Variants in ZNF644 observed in about 807,000 individuals in gnomAD.
The protein encoded by ZNF644 is zinc finger protein 644, also known as zinc finger motif enhancer binding protein 2.
ZNF644 carries 20 observed loss-of-function variants against 108.0 expected under a neutral mutation model. That is an observed-to-expected ratio of 0.19 (90% confidence interval 0.13 to 0.27). ZNF644 has a LOEUF of 0.27. ZNF644 is among the 10% of genes least tolerant of loss of function. ZNF644 has a pLI of 1.00. For synonymous variants in ZNF644, 542 were observed against 539.1 expected (o/e 1.01, Z -0.08); for missense variants, 1,338 against 1,548.9 (o/e 0.86, Z 2.29).
chr1:90,950,304 G>GAAAA (rs1553151447), intron 2 of ZNF644, among the ~76,000 whole-genome samples: 6 of 62,314 alleles, frequency 9.6e-5, no homozygotes, highest in Non-Finnish European at 1.4e-4. Flanking sequence ...GGGGAGGGGA[G>GAAAA]GGGACAAAAG....
At chr1:90,924,223 G>A (rs1649774290) in intron 4 of ZNF644, among the ~76,000 whole-genome samples, 1 of 152,100 alleles carries the variant, frequency 6.6e-6, no homozygotes, top group Non-Finnish European at 1.5e-5. Flanking sequence ...GATAGCAAAC[G>A]TATTACTTCT....
At chr1:90,965,337 A>T (rs1441244280) in intron 2 of ZNF644, among the ~76,000 whole-genome samples, 1 of 152,120 alleles carries the variant, frequency 6.6e-6, no homozygotes, top group Non-Finnish European at 1.5e-5. Flanking sequence ...AGGTCTCTTC[A>T]CATCGTCTTC....
intron 1 of ZNF644, among the ~76,000 whole-genome samples, chr1:90,983,513 T>C (rs1455164284): frequency 6.6e-6 from 1 of 150,572 alleles, no homozygotes; most frequent in East Asian, 1.9e-4. Context: ...AAGAAGTCTT[T>C]GTAGATATGA....
intron 2 of ZNF644, among the ~76,000 whole-genome samples, chr1:90,969,417 C>T (rs1482216471): frequency 6.6e-6 from 1 of 152,176 alleles, no homozygotes; most frequent in Non-Finnish European, 1.5e-5. Context: ...AATAGTCACC[C>T]CTCATCTGCA....
At chr1:90,992,819 G>A (rs965785505) in intron 1 of ZNF644, among the ~76,000 whole-genome samples, 7 of 152,144 alleles carry the variant, frequency 4.6e-5, no homozygotes, top group African/African-American at 1.4e-4. Flanking sequence ...GGTCAAGGCA[G>A]GAGGATCACT....
intron 4 of ZNF644, among the ~76,000 whole-genome samples, chr1:90,923,450 C>T (rs982549356): frequency 3.3e-5 from 5 of 152,088 alleles, no homozygotes; most frequent in African/African-American, 1.2e-4. Flanking sequence ...GTTCTTTGCT[C>T]CTAGCTATAC....
intron 2 of ZNF644, among the ~76,000 whole-genome samples, chr1:90,943,282 A>C (rs954718313): frequency 1.3e-5 from 2 of 152,046 alleles, no homozygotes; most frequent in Non-Finnish European, 1.5e-5. Flanking sequence ...TCTACTAAAA[A>C]TAAAAAAAAT....
chr1:90,936,515 A>C (rs561910410), intron 4 of ZNF644, among the ~76,000 whole-genome samples: 1 of 152,156 alleles, frequency 6.6e-6, no homozygotes, highest in African/African-American at 2.4e-5. Context: ...CATTACAACT[A>C]TTCGGGATAT....
At chr1:91,004,633 C>G (rs1197670125) in intron 1 of ZNF644, among the ~76,000 whole-genome samples, 1 of 152,030 alleles carries the variant, frequency 6.6e-6, no homozygotes, top group Non-Finnish European at 1.5e-5. Context: ...CTCTTTGTAA[C>G]TTTTTCTTCT....
Position 90,918,168 on chromosome 1 carries a change from GAGAA to G in ZNF644, c.3689-18_3689-15del. The G allele has an allele frequency of 6.3e-7, 1 of 1,598,900 alleles. No individual in the cohort carries two copies. Among genetic ancestry groups the G allele is most frequent in the Non-Finnish European group, 8.6e-7 (1 of 1,166,298 alleles). On this transcript the variant is annotated splice_polypyrimidine_tract_variant and intron_variant, in intron 4 of 5. Coordinates refer to ENST00000337393, the MANE Select transcript of ZNF644 (RefSeq NM_201269.3). The stretch of plus-strand genomic sequence containing the variant: ...TACAATCTAAGGCTAAAAAGGGGAA[GAGAA>G]AGACTTAACATTCCTTATATATTTC...
At chr1:90,947,448 T>C (rs924271161) in intron 2 of ZNF644, among the ~76,000 whole-genome samples, 3 of 152,206 alleles carry the variant, frequency 2.0e-5, no homozygotes, top group Non-Finnish European at 4.4e-5. Context: ...AATTATTAAC[T>C]GTGAAACTTT....
At chr1:90,950,308 A>AGGGCAGGG (rs1557588325) in intron 2 of ZNF644, among the ~76,000 whole-genome samples, 131 of 78,648 alleles carry the variant, frequency 1.7e-3, no homozygotes, top group East Asian at 4.8e-3. Flanking sequence ...AGGGGAGGGG[A>AGGGCAGGG]CAAAAGAAAA....
At chr1:91,000,658 G>A (rs1012631505) in intron 1 of ZNF644, among the ~76,000 whole-genome samples, 37 of 152,180 alleles carry the variant, frequency 2.4e-4, no homozygotes, top group African/African-American at 8.4e-4. Flanking sequence ...TCAAAAGCTA[G>A]CAGAAAGCAA....
chr1:90,959,258 C>T (rs1654077986), intron 2 of ZNF644, among the ~76,000 whole-genome samples: 1 of 152,084 alleles, frequency 6.6e-6, no homozygotes, highest in South Asian at 2.1e-4. Context: ...AAAACCAAAA[C>T]TAACAATTAC....
At chr1:91,013,142 T>C (rs1660114391) in intron 1 of ZNF644, among the ~76,000 whole-genome samples, 1 of 152,064 alleles carries the variant, frequency 6.6e-6, no homozygotes, top group African/African-American at 2.4e-5. Flanking sequence ...GGCATGATCT[T>C]GGCTTACTGC....
chr1:90,984,640 G>A (rs1656908666), intron 1 of ZNF644, among the ~76,000 whole-genome samples: 1 of 152,126 alleles, frequency 6.6e-6, no homozygotes, highest in African/African-American at 2.4e-5. Context: ...TGATCCACCC[G>A]CTTTGGCTTC....
rs1238305645 is a variant in ZNF644 at position 90,939,543 on chromosome 1, T to C, written c.1811A>G (p.His604Arg). ...TTSAKSVLKK[H>R]TEYLHSSSCV... ...TGATGATGAATGCAAGTACTCCGTG[T>C]GCTTTTTTAAAACACTTTTGGCTGA... The change falls in exon 3 of 6, where the codon CAC becomes CGC. Residue 604 changes from histidine to arginine, a missense_variant. Coordinates refer to ENST00000337393, the MANE Select transcript of ZNF644 (RefSeq NM_201269.3). 1.9e-6 allele frequency: 3 copies of C among 1,614,056 alleles called. No individual in the cohort carries two copies. The Admixed American group carries it at 5.0e-5, about 27-fold the overall frequency.
At chr1:90,988,994 C>A (rs908239196) in intron 1 of ZNF644, among the ~76,000 whole-genome samples, 1 of 152,050 alleles carries the variant, frequency 6.6e-6, no homozygotes, top group Non-Finnish European at 1.5e-5. Context: ...TTGAACATGA[C>A]ACCAAAAGCA....
At chr1:90,990,017 G>A (rs1339277440) in intron 1 of ZNF644, among the ~76,000 whole-genome samples, 1 of 151,154 alleles carries the variant, frequency 6.6e-6, no homozygotes, top group African/African-American at 2.4e-5. Flanking sequence ...GCTATAGCAT[G>A]GATGAACCTC....
Sources: allele counts gnomAD v4.1 joint callset (sites outside exome capture counted in the v4.1 genomes callset), GRCh38; gene constraint gnomAD v4.1.1; transcripts MANE v1.5; gene names NCBI Gene and HGNC (gene_info 2026-07-23, HGNC 2026-07-21).